ADCY9: variants seen among roughly 807,000 people sequenced by gnomAD.
ADCY9 encodes adenylate cyclase type 9.
ADCY9 carries 50 observed loss-of-function variants against 101.5 expected under a neutral mutation model. The ratio of observed to expected loss-of-function variants is 0.49; its 90% CI spans 0.39 to 0.62. The LOEUF (loss-of-function observed/expected upper bound fraction) is 0.62, where lower values mean the gene tolerates loss of function less well. Among genes scored for constraint, ADCY9 ranks in the 20% least tolerant of loss-of-function variants. The pLI is 0.00. For missense variants in ADCY9, 1,662 were observed against 1,800.4 expected (o/e 0.92, Z 1.39); for synonymous variants, 905 against 769.3 (o/e 1.18, Z -2.92).
chr16:4,114,295 C>T lies in ADCY9; in HGVS notation c.1148G>A (p.Arg383His). 1 of 1,613,904 alleles carries T rather than the reference C, an allele frequency of 6.2e-7. No homozygotes were observed. Among genetic ancestry groups the T allele is most frequent in the Non-Finnish European group, 8.5e-7 (1 of 1,180,026 alleles). ...TTCGATCTGCTGCATCTTAAAAGGG[C>T]GGAAGGCTATAGGAGCTTTTTGGAT... is the stretch of plus-strand genomic sequence containing the variant. The part of the protein sequence containing the change: ...SSIQKAPIAF[R>H]PFKMQQIEEV... The change falls in exon 2 of 11, where the codon CGC becomes CAC. Residue 383 changes from arginine to histidine, a missense_variant. This residue lies in a region of ADCY9 where 228 missense variants were observed against 301.1 expected (regional missense o/e 0.76). Coordinates refer to ENST00000294016, the MANE Select transcript of ADCY9 (RefSeq NM_001116.4). This position sits in a 1 kb window ranked among gnomAD's most constrained non-coding sequence, Gnocchi z 4.3.
intron 9 of ADCY9, among the ~76,000 whole-genome samples, chr16:3,975,441 C>T (rs976293834): frequency 1.3e-5 from 2 of 152,210 alleles, no homozygotes; most frequent in East Asian, 3.9e-4. Context: ...CTCACACTGC[C>T]CATGGCTGGA....
rs774353026 is a variant in ADCY9, at chr16:4,115,320, G to A, written c.123C>T (p.Ser41=). 1.2e-5 allele frequency: 19 copies of A among 1,613,606 alleles called. No homozygotes were observed. The East Asian group carries it at 4.2e-4, about 36-fold the overall frequency. The change falls in exon 2 of 11, where the codon AGC becomes AGT. Residue 41 remains serine (S), a synonymous_variant. Transcript: ENST00000294016. The surrounding 1 kb of genome is among the most constrained non-coding windows in gnomAD (Gnocchi z 6.2). The part of the protein sequence containing the change: ...KINPKQLSSN[S]HPKHCKYSIS... ...TGCTGTATTTGCAGTGCTTGGGGTG[G>A]CTGTTGGAGGACAGCTGCTTGGGGT...
intron 2 of ADCY9, among the ~76,000 whole-genome samples, chr16:4,092,855 T>C (rs1451612117): frequency 6.6e-6 from 1 of 152,014 alleles, no homozygotes; most frequent in African/African-American, 2.4e-5. Flanking sequence ...TGTAACGAAG[T>C]AAAAACCAGG....
intron 2 of ADCY9, among the ~76,000 whole-genome samples, chr16:4,076,646 T>C (rs2056868973): frequency 7.2e-6 from 1 of 139,326 alleles, no homozygotes; most frequent in African/African-American, 2.5e-5. Flanking sequence ...ACAGCATCTG[T>C]GATCGCTAGA....
At chr16:4,040,588 C>G (rs745468788) in intron 2 of ADCY9, among the ~76,000 whole-genome samples, 2 of 152,092 alleles carry the variant, frequency 1.3e-5, no homozygotes, top group African/African-American at 2.4e-5. Context: ...TCCCGAGTAG[C>G]TAGGATTACA....
At chr16:4,093,484 G>A (rs1300124509) in intron 2 of ADCY9, among the ~76,000 whole-genome samples, 1 of 152,142 alleles carries the variant, frequency 6.6e-6, no homozygotes, top group African/African-American at 2.4e-5. Context: ...CTGGACACTA[G>A]TGAAAATGAA....
intron 2 of ADCY9, among the ~76,000 whole-genome samples, chr16:4,071,286 T>TGCTACTTG (rs2056831979): frequency 7.8e-6 from 1 of 128,358 alleles, no homozygotes; most frequent in Non-Finnish European, 1.5e-5. Flanking sequence ...GCAGAGATGG[T>TGCTACTTG]GCTACTTGCA....
chr16:3,974,027 T>C (rs960270963), intron 10 of ADCY9, among the ~76,000 whole-genome samples: 2 of 152,202 alleles, frequency 1.3e-5, no homozygotes, highest in Admixed American at 6.5e-5. Flanking sequence ...ATTTAGTATT[T>C]TGGATTTCAA....
chr16:4,091,013 C>G (rs575658990), intron 2 of ADCY9, among the ~76,000 whole-genome samples: 1 of 152,032 alleles, frequency 6.6e-6, no homozygotes, highest in East Asian at 1.9e-4. Flanking sequence ...TCCAAAACAT[C>G]GGACTGCCAC....
intron 2 of ADCY9, among the ~76,000 whole-genome samples, chr16:4,067,643 A>C (rs973534292): frequency 8.5e-5 from 13 of 152,294 alleles, no homozygotes; most frequent in African/African-American, 2.9e-4. Context: ...GGTCTGTCCT[A>C]AACAGAACTG....
At chr16:3,979,514 T>C (rs930909038) in intron 7 of ADCY9, among the ~76,000 whole-genome samples, 6 of 152,210 alleles carry the variant, frequency 3.9e-5, no homozygotes, top group Admixed American at 2.6e-4. Flanking sequence ...TGTGATAAAA[T>C]ATGCTTGTGA....
chr16:4,051,978 C>T (rs948622376), intron 2 of ADCY9, among the ~76,000 whole-genome samples: 1 of 152,160 alleles, frequency 6.6e-6, no homozygotes, highest in African/African-American at 2.4e-5. Context: ...ATTAATTTTA[C>T]AGTGGAGAAA....
chr16:4,104,559 C>A (rs1406997739), intron 2 of ADCY9, among the ~76,000 whole-genome samples: 2 of 151,990 alleles, frequency 1.3e-5, no homozygotes, highest in African/African-American at 4.8e-5. Context: ...CTGGAGTGAG[C>A]TATGGTAGCA....
intron 10 of ADCY9, 63 bp downstream of exon 10, chr16:3,974,606 A>G: frequency 6.5e-6 from 9 of 1,375,136 alleles, no homozygotes; most frequent in Non-Finnish European, 9.2e-6. Context: ...GAAGCTTCGA[A>G]ATGGGCAGGG....
At chr16:4,081,205 G>C (rs978325331) in intron 2 of ADCY9, among the ~76,000 whole-genome samples, 3 of 152,142 alleles carry the variant, frequency 2.0e-5, no homozygotes, top group Non-Finnish European at 2.9e-5. Flanking sequence ...ATCTGCTCTC[G>C]TGGAACACAA....
At chr16:3,993,375 C>T (rs766196075) in intron 4 of ADCY9, 31 bp downstream of exon 4, 3 of 1,608,366 alleles carry the variant, frequency 1.9e-6, no homozygotes, top group Non-Finnish European at 2.6e-6. Context: ...AGGAGAGGAA[C>T]TGACAGGAAC....
chr16:3,989,080 A>G lies in ADCY9; in HGVS notation c.2224T>C (p.Phe742Leu), dbSNP rs2056222437. The G allele has an allele frequency of 6.2e-7, 1 of 1,613,878 alleles. No homozygotes were observed. Among genetic ancestry groups the G allele is most frequent in the Non-Finnish European group, 8.5e-7 (1 of 1,179,738 alleles). Reference sequence around the variant, plus strand: ...AACTGATTAATGGGCGGCTTAAAAAAGTAATCTTTCATCAGGCTAGAAGAC... The same window carrying G: ...AACTGATTAATGGGCGGCTTAAAAAGGTAATCTTTCATCAGGCTAGAAGAC... Reference protein sequence around the residue: ...IKEDSLMKDYFFKPPINQFSL... With the variant: ...IKEDSLMKDYLFKPPINQFSL... Residue 742 changes from phenylalanine (F) to leucine (L), a missense_variant, in exon 6 of 11, where the codon TTT becomes CTT. Phe to Leu is a conservative substitution (Grantham distance 22, BLOSUM62 0). This residue lies in a region of ADCY9 where 624 missense variants were observed against 639.1 expected (regional missense o/e 0.98). Coordinates refer to ENST00000294016, the MANE Select transcript of ADCY9 (RefSeq NM_001116.4).
Position 3,966,948 on chromosome 16 carries a change from G to A in ADCY9, c.2889C>T (p.Cys963=). 1.2e-6 allele frequency: 2 copies of A among 1,612,398 alleles called. No individual in the cohort carries two copies. Among genetic ancestry groups the A allele is most frequent in the South Asian group, 1.1e-5 (1 of 90,984 alleles). The change falls in exon 11 of 11, where the codon TGC becomes TGT. Residue 963 remains cysteine, a synonymous_variant. Transcript: ENST00000294016. ...GGAGGTCACGCGGCACCGAACTATT[G>A]CACGGGTTCCTCTCGGAACTGGAGA... ...VQNFSSERNP[C]NSSVPRDLRR... is the part of the protein sequence containing the mutation.
chr16:3,969,065 C>A (rs2056024241), intron 10 of ADCY9, among the ~76,000 whole-genome samples: 1 of 152,026 alleles, frequency 6.6e-6, no homozygotes, highest in South Asian at 2.1e-4. Flanking sequence ...ACCTCGTGAT[C>A]CACCCGCCTC....
Sources: allele counts gnomAD v4.1 joint callset (sites outside exome capture counted in the v4.1 genomes callset), GRCh38; gene constraint gnomAD v4.1.1; regional missense constraint gnomAD v4.1.1; non-coding constraint Gnocchi (gnomAD v3.1); transcripts MANE v1.5; gene names NCBI Gene and HGNC (gene_info 2026-07-23, HGNC 2026-07-21).